The following SPMIP4 variants were observed in gnomAD, a reference collection of about 807,000 sequenced individuals.
The protein encoded by SPMIP4 is sperm microtubule inner protein 4, also known as sperm-associated microtubule inner protein 4.
chr7:25,136,058 C>T, the SPMIP4 span: 1 of 1,614,030 alleles, frequency 6.2e-7, no homozygotes, highest in Admixed American at 1.7e-5. This position sits in a 1 kb window ranked among gnomAD's most constrained non-coding sequence, Gnocchi z 5.7. Flanking sequence ...TTATGGTCTT[C>T]TAGAATTGAT....
chr7:25,176,038 A>G, the SPMIP4 span, among the ~76,000 whole-genome samples: 2 of 152,266 alleles, frequency 1.3e-5, no homozygotes, highest in African/African-American at 2.4e-5. The surrounding 1 kb of genome is among the most constrained non-coding windows in gnomAD (Gnocchi z 4.4). Context: ...TGTAGTTATT[A>G]GGAGCCAGGA....
the SPMIP4 span, chr7:25,155,170 TTGG>T: frequency 6.4e-7 from 1 of 1,561,628 alleles, no homozygotes; most frequent in South Asian, 1.2e-5. Context: ...GGGTGTTCAA[TTGG>T]ATATGGCAAG....
the SPMIP4 span, among the ~76,000 whole-genome samples, chr7:25,152,405 A>G: frequency 2.8e-4 from 43 of 152,246 alleles, no homozygotes; most frequent in African/African-American, 9.9e-4. Flanking sequence ...CTGAACACCC[A>G]TCTTCATATG....
chr7:25,152,564 G>A, the SPMIP4 span, among the ~76,000 whole-genome samples: 1 of 152,140 alleles, frequency 6.6e-6, no homozygotes, highest in Non-Finnish European at 1.5e-5. Flanking sequence ...TTGAAGCGGA[G>A]AGAGAATAAG....
chr7:25,142,205 C>A, the SPMIP4 span: 1 of 1,498,188 alleles, frequency 6.7e-7, no homozygotes, highest in East Asian at 2.3e-5. Flanking sequence ...CAGCACTCTC[C>A]CCCAAAATAA....
the SPMIP4 span, among the ~76,000 whole-genome samples, chr7:25,137,110 A>G: frequency 6.6e-6 from 1 of 152,168 alleles, no homozygotes; most frequent in African/African-American, 2.4e-5. Context: ...TCCATCACTA[A>G]CAGATGGCAT....
chr7:25,175,354 C>T, the SPMIP4 span, among the ~76,000 whole-genome samples: 3 of 152,090 alleles, frequency 2.0e-5, no homozygotes, highest in African/African-American at 7.2e-5. Flanking sequence ...TGCCTCTAGG[C>T]TCAAGTGATC....
the SPMIP4 span, among the ~76,000 whole-genome samples, chr7:25,178,457 T>C: frequency 3.9e-5 from 6 of 152,212 alleles, no homozygotes; most frequent in East Asian, 1.9e-4. Flanking sequence ...TACAGGGAAT[T>C]TGGTGAAGCA....
the SPMIP4 span, chr7:25,135,207 A>G: frequency 3.4e-5 from 20 of 585,162 alleles, no homozygotes; most frequent in Non-Finnish European, 4.1e-5. Flanking sequence ...ATACCAAGCC[A>G]TCCTTTCTTG....
chr7:25,161,262 T>C, the SPMIP4 span: 1 of 1,494,512 alleles, frequency 6.7e-7, no homozygotes, highest in Non-Finnish European at 9.2e-7. Flanking sequence ...GGAAGCTTTC[T>C]GAAAAGAAAG....
At chr7:25,126,638 G>A in the SPMIP4 span, among the ~76,000 whole-genome samples, 1 of 152,054 alleles carries the variant, frequency 6.6e-6, no homozygotes, top group Admixed American at 6.5e-5. Context: ...ATTATACTAT[G>A]TCTTGAAAAG....
chr7:25,151,492 G>T, the SPMIP4 span: 7 of 694,742 alleles, frequency 1.0e-5, no homozygotes, highest in Non-Finnish European at 1.7e-5. Flanking sequence ...CTAAGTGCTG[G>T]GATTATGGGC....
chr7:25,140,554 A>T, the SPMIP4 span, among the ~76,000 whole-genome samples: 6 of 152,000 alleles, frequency 3.9e-5, no homozygotes, highest in African/African-American at 1.2e-4. Context: ...CACCCGCCTC[A>T]GTCTCCCAAA....
chr7:25,167,953 C>T, the SPMIP4 span, among the ~76,000 whole-genome samples: 1 of 152,088 alleles, frequency 6.6e-6, no homozygotes, highest in African/African-American at 2.4e-5. Flanking sequence ...AATTACAAAT[C>T]AAAAGTTCCA....
chr7:25,175,114 T>C, the SPMIP4 span, among the ~76,000 whole-genome samples: 10 of 151,822 alleles, frequency 6.6e-5, no homozygotes, highest in Non-Finnish European at 1.3e-4. Context: ...CCCTCAGACC[T>C]GGGGAGTCAG....
the SPMIP4 span, among the ~76,000 whole-genome samples, chr7:25,155,656 T>C: frequency 6.6e-6 from 1 of 152,180 alleles, no homozygotes; most frequent in African/African-American, 2.4e-5. Flanking sequence ...TCTGTTTCTT[T>C]AAGCAATCAA....
the SPMIP4 span, among the ~76,000 whole-genome samples, chr7:25,174,246 CTG>C: frequency 1.3e-5 from 2 of 151,870 alleles, no homozygotes; most frequent in African/African-American, 4.8e-5. This position sits in a 1 kb window ranked among gnomAD's most constrained non-coding sequence, Gnocchi z 4.5. Flanking sequence ...CTCTCTCTCA[CTG>C]TCTCTCTCAC....
At chr7:25,135,996 A>G in the SPMIP4 span, 2 of 1,606,868 alleles carry the variant, frequency 1.2e-6, no homozygotes, top group Non-Finnish European at 1.7e-6. Flanking sequence ...AATAGGAATT[A>G]TGGCCATAGA....
At chr7:25,132,637 A>G in the SPMIP4 span, among the ~76,000 whole-genome samples, 1 of 152,198 alleles carries the variant, frequency 6.6e-6, no homozygotes, top group Non-Finnish European at 1.5e-5. This position sits in a 1 kb window ranked among gnomAD's most constrained non-coding sequence, Gnocchi z 5.0. Flanking sequence ...AAGGAAGTGC[A>G]AAGAGCTCTA....
Sources: gnomAD v4.1 joint callset for allele counts (sites outside exome capture counted in the v4.1 genomes callset) on GRCh38, gnomAD v4.1.1 for gene constraint, Gnocchi (gnomAD v3.1) non-coding constraint, MANE v1.5 for transcripts, NCBI Gene and HGNC (gene_info 2026-07-23, HGNC 2026-07-21) for gene names.